Variants in OMA1 observed in about 807,000 individuals in gnomAD.
OMA1 encodes the protein OMA1 zinc metallopeptidase.
Under a neutral mutation model 30.9 loss-of-function variants are expected in OMA1, and 38 were observed. The ratio of observed to expected loss-of-function variants is 1.23; its 90% confidence interval spans 0.95 to 1.61. OMA1 has a LOEUF of 1.61. OMA1 is among the 40% of genes most tolerant of loss of function. OMA1 has a pLI of 0.00. For synonymous variants in OMA1, 173 were observed against 121.9 expected (o/e 1.42, Z -2.76); for missense variants, 461 against 349.2 (o/e 1.32, Z -2.55).
chr1:58,531,771 G>T (rs61781817), intron 5 of OMA1, among the ~76,000 whole-genome samples: 1 of 151,732 alleles, frequency 6.6e-6, no homozygotes, highest in Non-Finnish European at 1.5e-5. Flanking sequence ...GTGCAGTGGC[G>T]AGGTCTCGAC....
chr1:58,497,985 C>T (rs1209493212), intron 8 of OMA1, among the ~76,000 whole-genome samples: 2 of 152,086 alleles, frequency 1.3e-5, no homozygotes, highest in Non-Finnish European at 2.9e-5. Flanking sequence ...TCTTTTAATA[C>T]AGGGGTTCAT....
chr1:58,507,364 A>G (rs1259000042), intron 7 of OMA1, among the ~76,000 whole-genome samples: 1 of 152,006 alleles, frequency 6.6e-6, no homozygotes, highest in East Asian at 1.9e-4. Flanking sequence ...AGGCAAATAT[A>G]TTAATAGAAC....
chr1:58,490,353 T>C (rs930960008), intron 8 of OMA1, among the ~76,000 whole-genome samples: 13 of 152,044 alleles, frequency 8.6e-5, no homozygotes, highest in Admixed American at 5.2e-4. Flanking sequence ...TGATGGAAGA[T>C]GAAATTAATG....
intron 8 of OMA1, among the ~76,000 whole-genome samples, chr1:58,485,228 T>TTA (rs533975015): frequency 0.32 from 13,303 of 42,104 alleles, 1,340 homozygotes; most frequent in Non-Finnish European, 0.34. Context: ...AGTCTACTAC[T>TTA]AAAAAAAAAA....
intron 7 of OMA1, among the ~76,000 whole-genome samples, chr1:58,519,021 T>C (rs1237909223): frequency 6.6e-6 from 1 of 152,174 alleles, no homozygotes; most frequent in Non-Finnish European, 1.5e-5. Flanking sequence ...CCAGAGTTCA[T>C]GCATTATCTC....
chr1:58,504,684 G>C (rs146431102), intron 8 of OMA1, among the ~76,000 whole-genome samples: 4 of 152,058 alleles, frequency 2.6e-5, no homozygotes. Context: ...AATAAATATC[G>C]ATCTACCTAA....
At chr1:58,534,819 C>T (rs1269566907) in intron 3 of OMA1, among the ~76,000 whole-genome samples, 1 of 152,086 alleles carries the variant, frequency 6.6e-6, no homozygotes, top group Non-Finnish European at 1.5e-5. Context: ...ACCTGTGTTC[C>T]CAGCTACATG....
chr1:58,498,274 C>T (rs1645839031), intron 8 of OMA1, among the ~76,000 whole-genome samples: 1 of 151,734 alleles, frequency 6.6e-6, no homozygotes, highest in Admixed American at 6.6e-5. Flanking sequence ...CATTGTCTTC[C>T]ATTCTCCTCT....
intron 7 of OMA1, among the ~76,000 whole-genome samples, chr1:58,526,570 G>C (rs1646352510): frequency 7.4e-6 from 1 of 134,824 alleles, no homozygotes; most frequent in Admixed American, 7.6e-5. Flanking sequence ...TTAAATAAAA[G>C]TAAAGGCCCA....
chr1:58,539,381 T>C (rs1330555678), intron 1 of OMA1, 71 bp from the exon 2 acceptor site: 5 of 682,550 alleles, frequency 7.3e-6, no homozygotes, highest in Non-Finnish European at 1.2e-5. Context: ...ATAACACTTA[T>C]TAAATAGGCG....
chr1:58,527,038 A>T (rs1312444692), intron 7 of OMA1, among the ~76,000 whole-genome samples: 1 of 152,152 alleles, frequency 6.6e-6, no homozygotes, highest in Admixed American at 6.5e-5. Context: ...GATTCTGTCT[A>T]AGGCATAATA....
At chr1:58,485,427 A>G (rs1371332648) in intron 8 of OMA1, among the ~76,000 whole-genome samples, 2 of 151,912 alleles carry the variant, frequency 1.3e-5, no homozygotes, top group East Asian at 3.9e-4. Context: ...TTTAATTGCT[A>G]GAAACACTAT....
intron 8 of OMA1, among the ~76,000 whole-genome samples, chr1:58,494,032 A>C (rs570338020): frequency 6.6e-6 from 1 of 152,076 alleles, no homozygotes; most frequent in Non-Finnish European, 1.5e-5. Flanking sequence ...ACAAGGCTAC[A>C]GTAACCAAAA....
At chr1:58,515,138 T>C (rs1356959091) in intron 7 of OMA1, among the ~76,000 whole-genome samples, 1 of 152,192 alleles carries the variant, frequency 6.6e-6, no homozygotes, top group Non-Finnish European at 1.5e-5. Flanking sequence ...TTCTTAAAGC[T>C]CATTTTATTT....
chr1:58,511,598 T>C (rs1398221859), intron 7 of OMA1, among the ~76,000 whole-genome samples: 1 of 151,930 alleles, frequency 6.6e-6, no homozygotes, highest in Non-Finnish European at 1.5e-5. Flanking sequence ...CACTGCACTC[T>C]AGCCTGGGTA....
At chr1:58,540,742 G>T (rs1444458682) in intron 1 of OMA1, among the ~76,000 whole-genome samples, 2 of 151,380 alleles carry the variant, frequency 1.3e-5, no homozygotes, top group Non-Finnish European at 2.9e-5. Context: ...CATCAATGAG[G>T]TATGCAATAA....
chr1:58,513,891 T>TAAGTGACAGAGCCATAATTTGAACAC (rs1646120188), intron 7 of OMA1, among the ~76,000 whole-genome samples: 1 of 152,208 alleles, frequency 6.6e-6, no homozygotes, highest in Non-Finnish European at 1.5e-5. Flanking sequence ...AAACAGCTAG[T>TAAGTGACAGAGCCATAATTTGAACAC]AAGTGACAGA....
rs780996718 is a variant in OMA1 at position 58,534,087 on chromosome 1, C to T, written c.904-27G>A. On this transcript the variant is annotated intron_variant, in intron 4 of 8. Transcript: ENST00000371226. ...TGCACCACAAAGAAAATAATGTAAG[C>T]AATTAGAACATCATAAAAAATAAGG... 9.2e-6 allele frequency: 8 copies of T among 867,674 alleles called. 1 individual carries two copies. The highest frequency in any genetic ancestry group is 4.8e-5 in the East Asian group (2 of 41,580). 53.7% of individuals were successfully genotyped at this position (867,674 alleles called of 1,614,324 possible).
At chr1:58,506,602 C>A (rs184082696) in intron 7 of OMA1, among the ~76,000 whole-genome samples, 11 of 152,198 alleles carry the variant, frequency 7.2e-5, no homozygotes, top group Middle Eastern at 3.4e-3. Flanking sequence ...CCAAAGATAG[C>A]CCACTATTTT....
Sources: gnomAD v4.1 joint callset for allele counts (sites outside exome capture counted in the v4.1 genomes callset) on GRCh38, gnomAD v4.1.1 for gene constraint, MANE v1.5 for transcripts, NCBI Gene and HGNC (gene_info 2026-07-23, HGNC 2026-07-21) for gene names.